Variants in DISC1 observed in about 807,000 individuals in gnomAD.
The protein encoded by DISC1 is disrupted in schizophrenia 1 protein.
In DISC1, 57 loss-of-function variants were observed where a neutral mutation model predicts 84.5. That is an observed-to-expected ratio of 0.67 (90% CI 0.55 to 0.84). DISC1 has a LOEUF of 0.84. Among genes scored for constraint, DISC1 ranks in the 40% least tolerant of loss-of-function variants. The pLI, the probability that DISC1 is intolerant of heterozygous loss-of-function variation, is 0.00. For missense variants in DISC1, 1,000 were observed against 1,057.8 expected, an observed-to-expected ratio of 0.95 and a Z score of 0.76; for synonymous variants, 411 against 415.2, an observed-to-expected ratio of 0.99 and a Z score of 0.12.
rs181054989 is a variant in DISC1, at chr1:231,659,719, T to G, written c.67+32785T>G. ...TCAAAGTACTTATTGATTTCTGCCTTAATTTCATTATTTACCCAAGAGTCA... is the reference window on the plus strand; with the variant it reads ...TCAAAGTACTTATTGATTTCTGCCTGAATTTCATTATTTACCCAAGAGTCA... On this transcript the variant is annotated intron_variant, in intron 1 of 12. Transcript: ENST00000439617. Among the ~76,000 whole-genome samples the G allele has an allele frequency of 1.5e-3, 230 of 152,344 alleles. 1 individual carries two copies. Among genetic ancestry groups the G allele is most frequent in the Middle Eastern group, 0.014 (4 of 294 alleles).
intron 4 of DISC1, among the ~76,000 whole-genome samples, chr1:231,761,663 C>T (rs1012926063): frequency 6.6e-6 from 1 of 152,244 alleles, no homozygotes; most frequent in African/African-American, 2.4e-5. Context: ...TTCAATGACT[C>T]TCATCCCGAC....
rs760599690 is a variant in DISC1 at position 232,031,350 on chromosome 1, A to AGG, written c.2425+4798_2425+4799insGG. Among the ~76,000 whole-genome samples the AGG allele has an allele frequency of 1.4e-3, 200 of 145,044 alleles. No individual in the cohort carries two copies. Among genetic ancestry groups the AGG allele is most frequent in the Non-Finnish European group, 2.5e-3 (165 of 64,902 alleles). ...GGAAAGGAAAAGGAAAAGAGGAAAG[A>AGG]AAAGGAAAGGGAAGGGAGAGGGAAA... On this transcript the variant is annotated intron_variant, in intron 12 of 12. Coordinates refer to ENST00000439617, the MANE Select transcript of DISC1 (RefSeq NM_018662.3). The surrounding 1 kb of genome is among the most constrained non-coding windows in gnomAD (Gnocchi z 4.6).
intron 9 of DISC1, among the ~76,000 whole-genome samples, chr1:231,905,459 A>AT (rs879520395): frequency 6.0e-5 from 9 of 149,042 alleles, no homozygotes; most frequent in Admixed American, 1.3e-4. Flanking sequence ...GTCTCCACAA[A>AT]TTTTTTTTTT....
At chr1:231,794,192 C>T (rs1011772490) in intron 6 of DISC1, among the ~76,000 whole-genome samples, 3 of 152,198 alleles carry the variant, frequency 2.0e-5, no homozygotes, top group African/African-American at 7.2e-5. Context: ...TTTCACAACT[C>T]ACCTGTGAGA....
intron 9 of DISC1, among the ~76,000 whole-genome samples, chr1:231,878,337 C>G (rs1322146988): frequency 1.3e-5 from 2 of 152,248 alleles, no homozygotes; most frequent in East Asian, 1.9e-4. Flanking sequence ...AGAGACCGCC[C>G]TGAGGAAGTG....
At chr1:231,677,231 G>C (rs957505533) in intron 1 of DISC1, among the ~76,000 whole-genome samples, 2 of 151,994 alleles carry the variant, frequency 1.3e-5, no homozygotes, top group Non-Finnish European at 2.9e-5. Flanking sequence ...TCTCTTTACT[G>C]CATTTTACTG....
At chr1:231,807,418 G>A (rs911233225) in intron 8 of DISC1, among the ~76,000 whole-genome samples, 1 of 152,194 alleles carries the variant, frequency 6.6e-6, no homozygotes, top group African/African-American at 2.4e-5. Context: ...TGGTCCATCT[G>A]TTGAGTCACC....
At chr1:231,909,456 T>C (rs1356576816) in intron 9 of DISC1, among the ~76,000 whole-genome samples, 2 of 152,240 alleles carry the variant, frequency 1.3e-5, no homozygotes, top group Non-Finnish European at 2.9e-5. Flanking sequence ...TGGTTCTGTT[T>C]ATATGCTGGA....
chr1:231,718,725 C>A (rs1029630036), intron 3 of DISC1, among the ~76,000 whole-genome samples: 1 of 152,190 alleles, frequency 6.6e-6, no homozygotes, highest in East Asian at 1.9e-4. Flanking sequence ...CATGAGCCAC[C>A]GCACCTGGCT....
At chr1:231,914,091 G>A (rs994713027) in intron 9 of DISC1, among the ~76,000 whole-genome samples, 1 of 152,188 alleles carries the variant, frequency 6.6e-6, no homozygotes, top group African/African-American at 2.4e-5. Context: ...GAGACCCTGG[G>A]TCCTTTGATC....
intron 2 of DISC1, among the ~76,000 whole-genome samples, chr1:231,695,272 G>A (rs201576173): frequency 1.8e-4 from 28 of 152,192 alleles, no homozygotes; most frequent in Non-Finnish European, 3.5e-4. Context: ...CCACAGGGTC[G>A]GGAGACTTCG....
At chr1:231,950,123 A>G (rs16855696) in intron 9 of DISC1, among the ~76,000 whole-genome samples, 26,659 of 152,020 alleles carry the variant, frequency 0.18, 3,263 homozygotes, top group East Asian at 0.69. Context: ...CAAGTTGTTT[A>G]AGAAGATAGT....
chr1:231,922,959 T>C (rs1055326145), intron 9 of DISC1, among the ~76,000 whole-genome samples: 18 of 151,750 alleles, frequency 1.2e-4, no homozygotes, highest in Non-Finnish European at 2.6e-4. Context: ...GCCAAAATGG[T>C]TTTAACATAC....
At chr1:231,754,075 G>T (rs1184501187) in intron 4 of DISC1, among the ~76,000 whole-genome samples, 1 of 152,092 alleles carries the variant, frequency 6.6e-6, no homozygotes, top group Non-Finnish European at 1.5e-5. Flanking sequence ...CAGTTTCTAG[G>T]CATTTCCAAA....
At chr1:231,709,256 G>A (rs2067487444) in intron 3 of DISC1, among the ~76,000 whole-genome samples, 1 of 152,192 alleles carries the variant, frequency 6.6e-6, no homozygotes. Flanking sequence ...CATGCAGTGA[G>A]TCAAGTGCCA....
intron 12 of DISC1, among the ~76,000 whole-genome samples, chr1:232,029,834 G>A (rs1414797311): frequency 2.0e-5 from 3 of 152,352 alleles, no homozygotes; most frequent in African/African-American, 7.2e-5. Context: ...GGGGTGGGCA[G>A]TGGGACTGAG....
At chr1:231,632,001 A>G (rs2058748838) in intron 1 of DISC1, among the ~76,000 whole-genome samples, 2 of 152,132 alleles carry the variant, frequency 1.3e-5, no homozygotes, top group Non-Finnish European at 2.9e-5. Flanking sequence ...TTCATCTTTT[A>G]TAGTGTATTT....
intron 4 of DISC1, among the ~76,000 whole-genome samples, chr1:231,759,545 AAAAAAAC>A (rs1355921406): frequency 4.2e-5 from 6 of 144,502 alleles, no homozygotes; most frequent in African/African-American, 1.7e-4. Flanking sequence ...AAAAAAAAAA[AAAAAAAC>A]AAAACTAGCC....
chr1:231,869,752 T>C lies in DISC1; in HGVS notation c.1981+51235T>C, dbSNP rs146450646. On this transcript the variant is annotated intron_variant, in intron 9 of 12. Transcript: ENST00000439617. ...TGCCCATTGGGCTCCACCTTAAACA[T>C]TGGGGAGCAAATCTTAACTTTAGCT... Among the ~76,000 whole-genome samples the C allele has an allele frequency of 3.2e-3, 492 of 152,158 alleles. 1 individual carries two copies. The highest frequency in any genetic ancestry group is 0.014 in the Middle Eastern group (4 of 294).
Sources: gnomAD v4.1 joint callset for allele counts (sites outside exome capture counted in the v4.1 genomes callset) on GRCh38, gnomAD v4.1.1 for gene constraint, Gnocchi (gnomAD v3.1) non-coding constraint, MANE v1.5 for transcripts, NCBI Gene and HGNC (gene_info 2026-07-23, HGNC 2026-07-21) for gene names.